Variants in PNOC observed in about 807,000 individuals in gnomAD.
The protein encoded by PNOC is nociceptin.
PNOC carries 10 observed loss-of-function variants against 15.6 expected under a neutral mutation model. The observed-to-expected ratio is 0.64, with a 90% CI of 0.40 to 1.09. The LOEUF (loss-of-function observed/expected upper bound fraction) is 1.09. Among genes scored for constraint, PNOC ranks in the 50% least tolerant of loss-of-function variants. The pLI, the probability that PNOC is intolerant of heterozygous loss-of-function variation, is 0.01. For synonymous variants in PNOC, 98 were observed against 88.5 expected, an observed-to-expected ratio of 1.11 and a Z score of -0.60; for missense variants, 220 against 223.9, an observed-to-expected ratio of 0.98 and a Z score of 0.11.
chr8:28,339,560 C>A, intron 3 of PNOC, 69 bp downstream of exon 3: 1 of 1,275,226 alleles, frequency 7.8e-7, no homozygotes, highest in Non-Finnish European at 1.0e-6. Context: ...GCCTTGCTCC[C>A]AGGCCTAGAA....
At chr8:28,330,403 T>TTTTTTTTTTTTTTTATTG in intron 2 of PNOC, among the ~76,000 whole-genome samples, 1 of 132,826 alleles carries the variant, frequency 7.5e-6, no homozygotes, top group Non-Finnish European at 1.6e-5. Flanking sequence ...TTTATTTTTT[T>TTTTTTTTTTTTTTTATTG]TTTTTTTTTG....
At chr8:28,331,616 G>A (rs1801330817) in intron 2 of PNOC, among the ~76,000 whole-genome samples, 1 of 152,152 alleles carries the variant, frequency 6.6e-6, no homozygotes, top group Non-Finnish European at 1.5e-5. Context: ...ATAGTTCCCA[G>A]AAATCCTGCC....
intron 1 of PNOC, among the ~76,000 whole-genome samples, chr8:28,324,591 T>C (rs1801195221): frequency 6.6e-6 from 1 of 152,274 alleles, no homozygotes; most frequent in East Asian, 1.9e-4. Flanking sequence ...AGGCCAGGCA[T>C]GGTGGCTCAT....
intron 3 of PNOC, among the ~76,000 whole-genome samples, chr8:28,342,380 C>G (rs75336503): frequency 6.9e-6 from 1 of 145,878 alleles, no homozygotes; most frequent in Non-Finnish European, 1.5e-5. Context: ...AAAAAAAGAA[C>G]ACTATTCAGA....
At chr8:28,330,397 T>TTTTATTTTTA (rs1491220831) in intron 2 of PNOC, among the ~76,000 whole-genome samples, 6 of 80,802 alleles carry the variant, frequency 7.4e-5, no homozygotes, top group African/African-American at 2.4e-4. Flanking sequence ...TTTTATTTTA[T>TTTTATTTTTA]TTTTTTTTTT....
intron 2 of PNOC, chr8:28,338,661 A>G: frequency 7.0e-6 from 7 of 1,004,722 alleles, no homozygotes; most frequent in Non-Finnish European, 8.3e-6. Flanking sequence ...ACAAAATAAA[A>G]TTCTTTATGG....
intron 2 of PNOC, among the ~76,000 whole-genome samples, chr8:28,330,400 T>TATTTTATTATTTTTTTTTTTTTTA (rs1431540071): frequency 4.9e-5 from 5 of 102,228 alleles, no homozygotes; most frequent in Non-Finnish European, 1.0e-4. Context: ...TATTTTATTT[T>TATTTTATTATTTTTTTTTTTTTTA]TTTTTTTTTT....
In PNOC at chr8:28,320,677, C is replaced by T. The variant is rs371986762; in HGVS notation, c.-24+3361C>T. 2.2e-4 allele frequency among the ~76,000 whole-genome samples: 34 copies of T among 151,818 alleles called. No homozygotes were observed. In the South Asian group the frequency reaches 4.6e-3, roughly 20 times the overall value. ...CATCCCGGCTAACACGGTGAAACCC[C>T]GTCTCTACTAAAAATACAAAAAAAT... On this transcript the variant is annotated intron_variant, in intron 1 of 3. Transcript: ENST00000301908.
intron 3 of PNOC, among the ~76,000 whole-genome samples, chr8:28,341,962 C>T (rs934576863): frequency 3.3e-5 from 5 of 152,200 alleles, no homozygotes; most frequent in Non-Finnish European, 5.9e-5. Context: ...GTTACCAATG[C>T]TGTCCTTGAC....
intron 2 of PNOC, chr8:28,338,520 G>A: frequency 1.2e-6 from 1 of 843,664 alleles, no homozygotes; most frequent in Non-Finnish European, 1.4e-6. Context: ...GCTGTACGCG[G>A]GATGAAAAAT....
chr8:28,336,249 A>C (rs1446157945), intron 2 of PNOC, among the ~76,000 whole-genome samples: 2 of 152,234 alleles, frequency 1.3e-5, no homozygotes, highest in Non-Finnish European at 2.9e-5. Flanking sequence ...ACACATGAGT[A>C]AGATGTGGTC....
intron 2 of PNOC, 135 bp from the exon 3 acceptor site, chr8:28,338,905 A>G (rs1391214014): frequency 9.4e-7 from 1 of 1,063,906 alleles, no homozygotes; most frequent in Non-Finnish European, 1.3e-6. Flanking sequence ...CCTGTGTAAA[A>G]CTGCTCCACG....
At position 28,339,315 on chromosome 8, in the gene PNOC, C is replaced by T. The variant is rs189594057; in HGVS notation, c.402C>T (p.Thr134=). ...KQLQKRFGGF[T]GARKSARKLA... ...TGCAGAAGAGATTTGGGGGCTTCAC[C>T]GGGGCCCGGAAGTCGGCCAGGAAGT... Residue 134 remains threonine (T), a synonymous_variant, in exon 3 of 4, where the codon ACC becomes ACT. Transcript: ENST00000301908. The T allele has an allele frequency of 1.6e-4, 250 of 1,611,818 alleles. 1 individual carries two copies. The Admixed American group carries it at 4.1e-3, about 26-fold the overall frequency.
chr8:28,334,774 G>A (rs351778), intron 2 of PNOC, among the ~76,000 whole-genome samples: 49,131 of 152,076 alleles, frequency 0.32, 9,900 homozygotes, highest in Non-Finnish European at 0.46. Context: ...GATTATAGGC[G>A]GGAGCCACCA....
intron 2 of PNOC, among the ~76,000 whole-genome samples, chr8:28,333,148 G>A (rs887868865): frequency 6.6e-6 from 1 of 152,166 alleles, no homozygotes; most frequent in Non-Finnish European, 1.5e-5. Flanking sequence ...GCTCCCAAAT[G>A]TCTCTTGGTC....
chr8:28,337,749 A>T (rs1430478874), intron 2 of PNOC, among the ~76,000 whole-genome samples: 8 of 139,986 alleles, frequency 5.7e-5, no homozygotes, highest in Non-Finnish European at 3.1e-5. Context: ...CGCCCAGCTA[A>T]TTTTTTTTTT....
At chr8:28,320,084 CTTTCTTTCTTTTTTTT>C (rs1801122565) in intron 1 of PNOC, among the ~76,000 whole-genome samples, 2 of 37,204 alleles carry the variant, frequency 5.4e-5, no homozygotes, top group Admixed American at 3.1e-4. Flanking sequence ...TTCTTTCTTT[CTTTCTTTCTTTTTTTT>C]TTTTTTTTTT....
At chr8:28,338,230 A>G (rs1010728920) in intron 2 of PNOC, among the ~76,000 whole-genome samples, 20 of 152,250 alleles carry the variant, frequency 1.3e-4, no homozygotes, top group African/African-American at 3.9e-4. Context: ...ACCCAATCAG[A>G]ACCAAGAACG....
intron 1 of PNOC, 125 bp downstream of exon 1, chr8:28,317,441 T>C (rs1044694662): frequency 6.6e-6 from 1 of 152,398 alleles, no homozygotes; most frequent in Non-Finnish European, 1.5e-5. Context: ...GTGTGGATGC[T>C]GCTGGCCTCT....
Sources: allele counts gnomAD v4.1 joint callset (sites outside exome capture counted in the v4.1 genomes callset), GRCh38; gene constraint gnomAD v4.1.1; transcripts MANE v1.5; gene names NCBI Gene and HGNC (gene_info 2026-07-23, HGNC 2026-07-21).